Variants in WDR35 observed in about 807,000 individuals in gnomAD.
WDR35 encodes the protein WD repeat-containing protein 35.
A neutral mutation model predicts 158.3 loss-of-function variants in WDR35; 118 were observed. The ratio of observed to expected loss-of-function variants is 0.75; its 90% CI spans 0.64 to 0.87. WDR35 has a LOEUF of 0.87. Among genes scored for constraint, WDR35 ranks in the 40% least tolerant of loss-of-function variants. The probability of loss-of-function intolerance (pLI) is 0.00; values close to 1 mark genes in which losing one functional copy is unlikely to be tolerated. For synonymous variants in WDR35, 448 were observed against 476.1 expected, an observed-to-expected ratio of 0.94 and a Z score of 0.77; for missense variants, 1,263 against 1,405.8, an observed-to-expected ratio of 0.90 and a Z score of 1.62.
intron 11 of WDR35, among the ~76,000 whole-genome samples, chr2:19,954,706 G>A (rs1271306420): frequency 1.3e-5 from 2 of 152,204 alleles, no homozygotes; most frequent in Admixed American, 6.5e-5. Context: ...ATCTGGGAAT[G>A]TAATATGGTG....
At chr2:19,962,790 A>C (rs982636914) in intron 10 of WDR35, among the ~76,000 whole-genome samples, 4 of 152,200 alleles carry the variant, frequency 2.6e-5, no homozygotes, top group Admixed American at 6.5e-5. Context: ...AATAAAAATC[A>C]TATTTTAAAA....
In WDR35 at chr2:19,978,808, C is replaced by T. The variant is rs760095465; in HGVS notation, c.379G>A (p.Gly127Arg). 8 of 1,613,860 alleles carry T rather than the reference C, an allele frequency of 5.0e-6. No homozygotes were observed. The highest frequency in any genetic ancestry group is 3.3e-5 in the South Asian group (3 of 91,082). ...VVRSMSWNADGQKICIVYEDG... is the reference protein window; with the variant it reads ...VVRSMSWNADRQKICIVYEDG... ...TCATATACAATGCAGATCTTCTGTC[C>T]GTCAGCATTCCAGCTCATACTGCGA... Residue 127 changes from glycine to arginine, a missense_variant, in exon 5 of 27, where the codon GGA becomes AGA. Gly to Arg is a moderately radical substitution (Grantham distance 125). Transcript: ENST00000281405.
At chr2:19,920,148 G>A (rs1476805293) in intron 25 of WDR35, among the ~76,000 whole-genome samples, 1 of 152,102 alleles carries the variant, frequency 6.6e-6, no homozygotes, top group Non-Finnish European at 1.5e-5. Flanking sequence ...TTCTACCAGA[G>A]GTATAAAGAG....
At chr2:19,922,223 A>G (rs1438701649) in intron 25 of WDR35, among the ~76,000 whole-genome samples, 1 of 152,248 alleles carries the variant, frequency 6.6e-6, no homozygotes, top group African/African-American at 2.4e-5. Context: ...TGCTGGGTAT[A>G]TACCCAAAGG....
intron 2 of WDR35, among the ~76,000 whole-genome samples, chr2:19,986,836 T>G (rs963182139): frequency 6.6e-6 from 1 of 152,208 alleles, no homozygotes; most frequent in Non-Finnish European, 1.5e-5. Flanking sequence ...GTGCAAACTT[T>G]CTGGAGGGTA....
chr2:19,956,348 T>G (rs1242913014), intron 11 of WDR35, among the ~76,000 whole-genome samples: 1 of 152,208 alleles, frequency 6.6e-6, no homozygotes, highest in African/African-American at 2.4e-5. Flanking sequence ...TCACAAGGGT[T>G]TATCATTAGC....
At chr2:19,958,927 A>G (rs1044710499) in intron 11 of WDR35, among the ~76,000 whole-genome samples, 1 of 152,212 alleles carries the variant, frequency 6.6e-6, no homozygotes, top group African/African-American at 2.4e-5. Flanking sequence ...CAAAAATTAT[A>G]AAGAGGAAGA....
chr2:19,978,141 T>C (rs1672267852), intron 5 of WDR35, among the ~76,000 whole-genome samples: 1 of 151,850 alleles, frequency 6.6e-6, no homozygotes, highest in South Asian at 2.1e-4. Context: ...AGCTGTTGCT[T>C]TATAGGCTCT....
At chr2:19,974,657 A>T in intron 6 of WDR35, 24 bp from the exon 7 acceptor site, 2 of 1,602,582 alleles carry the variant, frequency 1.2e-6, no homozygotes, top group Non-Finnish European at 1.7e-6. Flanking sequence ...GTTAGGTTTA[A>T]TATTTTACAT....
intron 11 of WDR35, among the ~76,000 whole-genome samples, chr2:19,955,160 C>T (rs1230363280): frequency 6.6e-6 from 1 of 152,114 alleles, no homozygotes; most frequent in Non-Finnish European, 1.5e-5. Flanking sequence ...ACCATGTTGG[C>T]CAGATTGTCT....
At chr2:19,981,620 C>G (rs1115274) in intron 3 of WDR35, among the ~76,000 whole-genome samples, 86,560 of 151,976 alleles carry the variant, frequency 0.57, 25,476 homozygotes, top group African/African-American at 0.72. Context: ...TGAGCTCAAG[C>G]GATCCTCCCA....
At position 19,938,369 on chromosome 2, in the gene WDR35, A is replaced by C. The variant is rs1407278824; in HGVS notation, c.1959T>G (p.Ile653Met). 2 of 1,613,952 alleles carry C rather than the reference A, an allele frequency of 1.2e-6. No homozygotes were observed. The highest frequency in any genetic ancestry group is 2.7e-5 in the African/African-American group (2 of 74,918). ...CTCGCAGAGACCGAATCTCAAAGTT[A>C]ATTAGGTAATCCTTGTTTGGATGTT... ...DPEHPNKDYL[I>M]NFEIRSLRDS... Residue 653 changes from isoleucine to methionine, a missense_variant, in exon 18 of 27, where the codon ATT (isoleucine) becomes ATG (methionine). Coordinates refer to ENST00000281405, the MANE Select transcript of WDR35 (RefSeq NM_020779.4).
rs987463032 is a variant in WDR35 at position 19,936,287 on chromosome 2, A to G, written c.2346T>C (p.Asp782=). 3.7e-6 allele frequency: 6 copies of G among 1,613,946 alleles called. No homozygotes were observed. The highest frequency in any genetic ancestry group is 5.1e-6 in the Non-Finnish European group (6 of 1,179,954). ...CTTGTTCCAGGAGACTGTCATCTGC[A>G]TCACCAGATCCAGTTTTCAGGAGCT... ...VLQLLKTGSG[D]ADDSLLEQAN... is the part of the protein sequence containing the mutation. The change falls in exon 20 of 27, where the codon GAT becomes GAC. Residue 782 remains aspartate, a synonymous_variant. Transcript: ENST00000281405.
At chr2:19,932,198 C>T (rs1572324490) in intron 23 of WDR35, 85 bp downstream of exon 23, 2 of 1,563,282 alleles carry the variant, frequency 1.3e-6, no homozygotes, top group East Asian at 2.3e-5. Context: ...TATTTGTTTC[C>T]AAAGAAAATG....
intron 2 of WDR35, among the ~76,000 whole-genome samples, chr2:19,988,336 G>C (rs2103472772): frequency 6.6e-6 from 1 of 152,312 alleles, no homozygotes; most frequent in Admixed American, 6.5e-5. Flanking sequence ...CTGAGGACCA[G>C]CAACTCAGCT....
In WDR35 at chr2:19,912,412, A is replaced by G. The variant is rs1036362475; in HGVS notation, c.*1146T>C. 11 of 152,186 alleles carry G rather than the reference A, an allele frequency of 7.2e-5. No homozygotes were observed. Among genetic ancestry groups the G allele is most frequent in the Non-Finnish European group, 1.5e-5 (1 of 68,038 alleles). 9.4% of individuals were successfully genotyped at this position (152,186 alleles called of 1,614,324 possible). Reference sequence around the variant, plus strand: ...ATTTAGGCCAATGAGCCCACTCTCTATCCTAAGCTCATCTAGGCTCTAAAT... The same window carrying G: ...ATTTAGGCCAATGAGCCCACTCTCTGTCCTAAGCTCATCTAGGCTCTAAAT... On this transcript the variant is annotated 3_prime_UTR_variant, in exon 27 of 27. Coordinates refer to ENST00000281405, the MANE Select transcript of WDR35 (RefSeq NM_020779.4).
intron 24 of WDR35, 54 bp from the exon 25 acceptor site, chr2:19,930,606 C>A: frequency 1.2e-6 from 2 of 1,610,394 alleles, no homozygotes; most frequent in South Asian, 2.2e-5. Context: ...CACACAGTGT[C>A]AACTCCCAAA....
chr2:19,970,127 T>A (rs1034687828), intron 8 of WDR35, among the ~76,000 whole-genome samples: 10 of 152,142 alleles, frequency 6.6e-5, no homozygotes, highest in African/African-American at 2.2e-4. Flanking sequence ...AATAGCAAAT[T>A]TCATCAAATC....
At position 19,933,508 on chromosome 2, in the gene WDR35, T is replaced by C. The variant is rs762569821; in HGVS notation, c.2551A>G (p.Ile851Val). 23 of 1,612,666 alleles carry C rather than the reference T, an allele frequency of 1.4e-5. 1 individual carries two copies. The Admixed American group carries it at 3.5e-4, about 25-fold the overall frequency. ...LPENHKLLPE[I>V]AQMFVRVGMC... ...CCAACTCTGACAAACATTTGTGCTA[T>C]TTCCTGTACAAACAAAACAATACTA... is the stretch of plus-strand genomic sequence containing the variant. Residue 851 changes from isoleucine to valine, a missense_variant, in exon 22 of 27, where the codon ATA becomes GTA. Coordinates refer to ENST00000281405, the MANE Select transcript of WDR35 (RefSeq NM_020779.4).
Sources: allele counts gnomAD v4.1 joint callset (sites outside exome capture counted in the v4.1 genomes callset), GRCh38; gene constraint gnomAD v4.1.1; transcripts MANE v1.5; gene names NCBI Gene and HGNC (gene_info 2026-07-23, HGNC 2026-07-21).